BIRC6: variants seen among roughly 807,000 people sequenced by gnomAD.
The protein encoded by BIRC6 is baculoviral IAP repeat containing 6.
Under a neutral mutation model 503.3 loss-of-function variants are expected in BIRC6, and 98 were observed. The ratio of observed to expected loss-of-function variants is 0.19; its 90% CI spans 0.17 to 0.23. The LOEUF (loss-of-function observed/expected upper bound fraction) is 0.23. Among genes scored for constraint, BIRC6 ranks in the 10% least tolerant of loss-of-function variants. The pLI is 1.00. For missense variants in BIRC6, 5,360 were observed against 5,806.0 expected, an observed-to-expected ratio of 0.92 and a Z score of 2.50; for synonymous variants, 2,240 against 2,078.7, an observed-to-expected ratio of 1.08 and a Z score of -2.11.
At position 32,429,252 on chromosome 2, in the gene BIRC6, A is replaced by G; in HGVS notation, c.2979A>G (p.Glu993=). Residue 993 remains glutamate, a synonymous_variant, in exon 11 of 74, where the codon GAA becomes GAG. Coordinates refer to ENST00000421745, the MANE Select transcript of BIRC6 (RefSeq NM_016252.4). The part of the protein sequence containing the change: ...SLSKGIEPSS[E]GSKPLSNPSS... Reference sequence around the variant, plus strand: ...CTAAAGGAATAGAACCATCTTCAGAAGGTTCCAAACCTTTATCAAATCCTT... The same window carrying G: ...CTAAAGGAATAGAACCATCTTCAGAGGGTTCCAAACCTTTATCAAATCCTT... 1 of 1,550,378 alleles carries G rather than the reference A, an allele frequency of 6.5e-7. No homozygotes were observed.
At chr2:32,416,222 T>C in intron 10 of BIRC6, 59 bp downstream of exon 10, 1 of 1,464,816 alleles carries the variant, frequency 6.8e-7, no homozygotes, top group Non-Finnish European at 9.2e-7. Flanking sequence ...GGCATTTGTT[T>C]ATGTGCAAAC....
chr2:32,474,766 A>G (rs79657568), intron 33 of BIRC6, among the ~76,000 whole-genome samples: 2,001 of 152,306 alleles, frequency 0.013, 49 homozygotes, highest in African/African-American at 0.046. Context: ...TTAATGGTAG[A>G]ACTTTGGAAA....
intron 4 of BIRC6, among the ~76,000 whole-genome samples, chr2:32,389,592 T>C (rs1433636054): frequency 1.3e-5 from 2 of 152,234 alleles, no homozygotes; most frequent in Non-Finnish European, 2.9e-5. Flanking sequence ...CTATTTGAAA[T>C]GACGATTGAG....
chr2:32,403,534 A>T (rs980344733), intron 8 of BIRC6, among the ~76,000 whole-genome samples: 8 of 152,206 alleles, frequency 5.3e-5, no homozygotes, highest in African/African-American at 1.7e-4. Context: ...ATGAATTAAG[A>T]TTTCTTCTAG....
intron 59 of BIRC6, among the ~76,000 whole-genome samples, chr2:32,526,115 T>G (rs11683905): frequency 0.18 from 27,771 of 152,136 alleles, 2,765 homozygotes; most frequent in Admixed American, 0.26. Context: ...TGATACTTTT[T>G]GAGTGCTGGC....
intron 1 of BIRC6, among the ~76,000 whole-genome samples, chr2:32,369,944 AAATATATATATATATATATATATATAT>A (rs2035604689): frequency 1.6e-4 from 4 of 25,750 alleles, no homozygotes; most frequent in Admixed American, 5.3e-4. Flanking sequence ...AAAAAAAAAA[AAATATATATATATATATATATATATAT>A]ATATATATAT....
chr2:32,400,597 A>G (rs1283596953), intron 6 of BIRC6, among the ~76,000 whole-genome samples: 5 of 152,018 alleles, frequency 3.3e-5, no homozygotes, highest in African/African-American at 9.7e-5. Context: ...TCAGCCTCCC[A>G]AAGTGTTGGG....
At chr2:32,511,201 C>CTTTTTTTTTTTTTTT in intron 53 of BIRC6, among the ~76,000 whole-genome samples, 65 of 48,586 alleles carry the variant, frequency 1.3e-3, no homozygotes, top group East Asian at 2.4e-3. Flanking sequence ...CTTTTCTTTT[C>CTTTTTTTTTTTTTTT]TTTTTTTTTT....
Position 32,388,916 on chromosome 2 carries a change from G to T in BIRC6, c.812G>T (p.Gly271Val), listed in dbSNP as rs777987157. 6.9e-6 allele frequency: 11 copies of T among 1,604,122 alleles called. No individual in the cohort carries two copies. In the Admixed American group the frequency reaches 1.9e-4, roughly 28 times the overall value. The change falls in exon 4 of 74, where the codon GGA becomes GTA. Residue 271 changes from glycine to valine, a missense_variant. Coordinates refer to ENST00000421745, the MANE Select transcript of BIRC6 (RefSeq NM_016252.4). ...YLLPSARPEL[G>V]VGPGRSVDRS... Reference sequence around the variant, plus strand: ...TTACCTAGTGCACGTCCAGAACTCGGAGTGGGGCCAGGCCGTTCTGTAGAC... The same window carrying T: ...TTACCTAGTGCACGTCCAGAACTCGTAGTGGGGCCAGGCCGTTCTGTAGAC...
chr2:32,473,328 A>G (rs1310269321), intron 33 of BIRC6, 89 bp downstream of exon 33: 2 of 1,042,622 alleles, frequency 1.9e-6, no homozygotes, highest in East Asian at 2.7e-5. Flanking sequence ...GATGTGAGGT[A>G]TAACATTTAA....
rs555040124 is a variant in BIRC6 at position 32,488,532 on chromosome 2, G to T, written c.7969-56G>T. ...TAAACATAAGATTTTTGTTTAAATT[G>T]TATTTCATATTATAATAGGTACATT... On this transcript the variant is annotated intron_variant, in intron 41 of 73. Coordinates refer to ENST00000421745, the MANE Select transcript of BIRC6 (RefSeq NM_016252.4). 81 of 1,375,968 alleles carry T rather than the reference G, an allele frequency of 5.9e-5. No individual in the cohort carries two copies. The African/African-American group carries it at 1.1e-3, about 19-fold the overall frequency. 85.2% of individuals were successfully genotyped at this position (1,375,968 alleles called of 1,614,324 possible). A position where few individuals can be genotyped will look rare whatever the true frequency, so the allele number is the denominator to read the frequency against.
chr2:32,529,697 C>T lies in BIRC6; in HGVS notation c.11967C>T (p.Leu3989=), dbSNP rs150058017. The T allele has an allele frequency of 1.3e-4, 215 of 1,613,388 alleles. No homozygotes were observed. In the Middle Eastern group the frequency reaches 2.1e-3, roughly 16 times the overall value. Reference sequence around the variant, plus strand: ...TGACACTTGCCCAGCTTTTAACTCTCCTATATGACCGAAAACTTCCTCAGG... The same window carrying T: ...TGACACTTGCCCAGCTTTTAACTCTTCTATATGACCGAAAACTTCCTCAGG... The part of the protein sequence containing the change: ...AEMTLAQLLT[L]LYDRKLPQGY... Residue 3989 remains leucine (L), a synonymous_variant, in exon 60 of 74, where the codon CTC becomes CTT. Transcript: ENST00000421745.
chr2:32,433,508 C>A, intron 12 of BIRC6, 136 bp from the exon 13 acceptor site: 1 of 651,904 alleles, frequency 1.5e-6, no homozygotes, highest in Non-Finnish European at 2.5e-6. Flanking sequence ...TATTTTCTCT[C>A]TTGATCCCAT....
intron 72 of BIRC6, among the ~76,000 whole-genome samples, chr2:32,609,513 A>G (rs1371021570): frequency 2.6e-5 from 4 of 152,148 alleles, no homozygotes; most frequent in East Asian, 1.9e-4. Context: ...AAAAAATGGT[A>G]TATTTACCTG....
intron 1 of BIRC6, among the ~76,000 whole-genome samples, chr2:32,375,147 G>T (rs1355695360): frequency 6.6e-6 from 1 of 152,172 alleles, no homozygotes; most frequent in Non-Finnish European, 1.5e-5. Context: ...AGATTAATCA[G>T]TGCTCGTATA....
rs373891804 is a variant in BIRC6 at position 32,491,456 on chromosome 2, G to A, written c.8238G>A (p.Glu2746=). ...SGSSSAIGTQ[E]STAHLLVSDP... ...CCAGCAGTGCCATTGGAACTCAGGAGAGTACTGCTCATTTGTTGGTTTCAG... is the reference window on the plus strand; with the variant it reads ...CCAGCAGTGCCATTGGAACTCAGGAAAGTACTGCTCATTTGTTGGTTTCAG... Residue 2746 remains glutamate (E), a synonymous_variant, in exon 44 of 74, where the codon GAG becomes GAA. Transcript: ENST00000421745. The A allele has an allele frequency of 1.9e-6, 3 of 1,613,238 alleles. No homozygotes were observed. The highest frequency in any genetic ancestry group is 1.3e-5 in the African/African-American group (1 of 74,908).
At chr2:32,523,296 G>A (rs1242981042) in intron 57 of BIRC6, 2 of 152,068 alleles carry the variant, frequency 1.3e-5, no homozygotes, top group Admixed American at 6.5e-5. Flanking sequence ...TTTTTTTAGT[G>A]TTTGAATGGC....
At position 32,386,849 on chromosome 2, in the gene BIRC6, G is replaced by A. The variant is rs915521482; in HGVS notation, c.646-1901G>A. 4.6e-5 allele frequency among the ~76,000 whole-genome samples: 7 copies of A among 152,244 alleles called. No homozygotes were observed. The East Asian group carries it at 1.2e-3, about 25-fold the overall frequency. On this transcript the variant is annotated intron_variant, in intron 3 of 73. Transcript: ENST00000421745. ...AAAGTTCTAGGGGCTTATACTTCAT[G>A]TTTTCTATATTACTGGCCCACAGAG...
intron 68 of BIRC6, 84 bp downstream of exon 68, chr2:32,595,228 A>C: frequency 1.2e-6 from 1 of 816,468 alleles, no homozygotes; most frequent in Non-Finnish European, 1.9e-6. Context: ...TAGCAAATTA[A>C]AGATTTTTAA....
Sources: allele counts gnomAD v4.1 joint callset (sites outside exome capture counted in the v4.1 genomes callset), GRCh38; gene constraint gnomAD v4.1.1; transcripts MANE v1.5; gene names NCBI Gene and HGNC (gene_info 2026-07-23, HGNC 2026-07-21).